The following HNF1B variants were observed in gnomAD, a reference collection of about 807,000 sequenced individuals.
The protein encoded by HNF1B is hepatocyte nuclear factor 1-beta.
Under a neutral mutation model 61.7 loss-of-function variants are expected in HNF1B, and 8 were observed. The observed-to-expected ratio is 0.13, with a 90% confidence interval of 0.08 to 0.23. The LOEUF (loss-of-function observed/expected upper bound fraction) is 0.23, where lower values mean the gene tolerates loss of function less well. Among genes scored for constraint, HNF1B ranks in the 10% least tolerant of loss-of-function variants. The pLI, the probability that HNF1B is intolerant of heterozygous loss-of-function variation, is 1.00. For missense variants in HNF1B, 562 were observed against 714.5 expected (o/e 0.79, Z 2.43); for synonymous variants, 314 against 287.7 (o/e 1.09, Z -0.93).
intron 2 of HNF1B, among the ~76,000 whole-genome samples, chr17:37,734,572 C>G (rs1196259276): frequency 6.6e-6 from 1 of 152,234 alleles, no homozygotes; most frequent in East Asian, 1.9e-4. Context: ...AGAGGTGATG[C>G]CTTAGCCCAC....
At chr17:37,698,880 G>T (rs758189099) in intron 8 of HNF1B, among the ~76,000 whole-genome samples, 196 bp downstream of exon 8, 3 of 150,680 alleles carry the variant, frequency 2.0e-5, no homozygotes, top group African/African-American at 7.4e-5. Context: ...GGGGAATCTG[G>T]GGGAGCAATA....
chr17:37,713,991 G>A (rs2033022454), intron 4 of HNF1B, among the ~76,000 whole-genome samples: 1 of 152,218 alleles, frequency 6.6e-6, no homozygotes, highest in Non-Finnish European at 1.5e-5. Flanking sequence ...CTTGAAGTGA[G>A]AACAAAAATA....
chr17:37,739,467 C>G lies in HNF1B; in HGVS notation c.517G>C (p.Val173Leu), dbSNP rs925595786. 8 of 1,614,166 alleles carry G rather than the reference C, an allele frequency of 5.0e-6. No homozygotes were observed. The highest frequency in any genetic ancestry group is 6.8e-6 in the Non-Finnish European group (8 of 1,180,038). ...QKRAALYTWY[V>L]RKQREILRQF... ...CGGAGGATCTCTCGTTGCTTTCTGA[C>G]GTACCAGGTGTACAGAGCGGCACGC... The change falls in exon 2 of 9, where the codon GTC becomes CTC. Residue 173 changes from valine to leucine, a missense_variant. Physicochemically the swap from Val to Leu is conservative, Grantham distance 32. Coordinates refer to ENST00000617811, the MANE Select transcript of HNF1B (RefSeq NM_000458.4).
intron 8 of HNF1B, among the ~76,000 whole-genome samples, chr17:37,695,216 G>C (rs1004850595): frequency 4.6e-5 from 7 of 152,220 alleles, no homozygotes; most frequent in Non-Finnish European, 7.3e-5. Context: ...CTTCAGCCCT[G>C]GCTCAAAGAG....
At chr17:37,709,242 T>C (rs1001689777) in intron 5 of HNF1B, among the ~76,000 whole-genome samples, 51 of 152,222 alleles carry the variant, frequency 3.4e-4, no homozygotes, top group Admixed American at 3.3e-3. Flanking sequence ...TTTATTTATT[T>C]TATTGTTATT....
intron 8 of HNF1B, among the ~76,000 whole-genome samples, chr17:37,695,512 A>G (rs375923621): frequency 1.8e-4 from 28 of 152,202 alleles, no homozygotes; most frequent in South Asian, 8.3e-4. Flanking sequence ...GATACTGCCT[A>G]ATGGAGCTGT....
Position 37,731,692 on chromosome 17 carries a change from G to A in HNF1B, c.948C>T (p.Asp316=), listed in dbSNP as rs373132003. 66 of 1,614,038 alleles carry A rather than the reference G, an allele frequency of 4.1e-5. No homozygotes were observed. Among genetic ancestry groups the A allele is most frequent in the South Asian group, 1.3e-4 (12 of 91,078 alleles). The change falls in exon 4 of 9, where the codon GAC becomes GAT. Residue 316 remains aspartate, a synonymous_variant. Coordinates refer to ENST00000617811, the MANE Select transcript of HNF1B (RefSeq NM_000458.4). ...EEAFRQKLAM[D]AYSSNQTHSL... The stretch of plus-strand genomic sequence containing the variant: ...TGTGAGTCTGGTTGGAGCTATAGGC[G>A]TCCATGGCCAGCTTTTGCCGGAATG...
Position 37,739,491 on chromosome 17 carries a change from G to A in HNF1B, c.493C>T (p.Arg165Cys). 6.2e-7 allele frequency: 1 copy of A among 1,614,146 alleles called. No individual in the cohort carries two copies. Among genetic ancestry groups the A allele is most frequent in the Non-Finnish European group, 8.5e-7 (1 of 1,180,032 alleles). Residue 165 changes from arginine to cysteine, a missense_variant, in exon 2 of 9, where the codon CGT becomes TGT. By Grantham distance (180) the Arg-to-Cys change is radical (BLOSUM62 -3). Around this residue, in one of 6 missense-constraint regions of HNF1B, gnomAD observed 69 missense variants for 81.2 expected, o/e 0.85. Transcript: ENST00000617811. ...NKGTPMKTQK[R>C]AALYTWYVRK... is the part of the protein sequence containing the mutation. ...ACGTACCAGGTGTACAGAGCGGCAC[G>A]CTTCTGGGTCTTCATAGGGGTGCCC...
At chr17:37,707,392 C>T (rs964923154) in intron 5 of HNF1B, among the ~76,000 whole-genome samples, 1 of 152,192 alleles carries the variant, frequency 6.6e-6, no homozygotes. Context: ...TGGAATTACA[C>T]GTGTGAGCCA....
intron 3 of HNF1B, 139 bp from the exon 4 acceptor site, chr17:37,731,969 A>C: frequency 1.6e-6 from 1 of 632,872 alleles, no homozygotes; most frequent in South Asian, 1.9e-5. Flanking sequence ...TGGGGAGGAG[A>C]GGCCTATGCA....
intron 2 of HNF1B, among the ~76,000 whole-genome samples, chr17:37,739,216 T>A (rs927570295): frequency 6.6e-6 from 1 of 152,130 alleles, no homozygotes; most frequent in Non-Finnish European, 1.5e-5. Context: ...ACTGACAGGC[T>A]CCTCAGAGCA....
Position 37,744,331 on chromosome 17 carries a change from C to T in HNF1B, c.344+210G>A, listed in dbSNP as rs548077471. Among the ~76,000 whole-genome samples the T allele has an allele frequency of 2.6e-5, 4 of 152,378 alleles. No individual in the cohort carries two copies. In the South Asian group the frequency reaches 6.2e-4, roughly 24 times the overall value. On this transcript the variant is annotated intron_variant, in intron 1 of 8. Transcript: ENST00000617811. ...CTTGGGTCTCGGACGCTGGCCTGGG[C>T]CTGGGGAGAAGAAGCCCGGTGGGCC...
chr17:37,744,474 T>C, intron 1 of HNF1B, 67 bp downstream of exon 1: 5 of 1,521,824 alleles, frequency 3.3e-6, no homozygotes, highest in Non-Finnish European at 4.5e-6. Context: ...GGGCGCAGTG[T>C]CACTCAGGCC....
chr17:37,741,751 GC>G (rs2033998122), intron 1 of HNF1B, among the ~76,000 whole-genome samples: 1 of 152,108 alleles, frequency 6.6e-6, no homozygotes, highest in African/African-American at 2.4e-5. Context: ...CATTTTGTAT[GC>G]CTAAGAAACC....
intron 4 of HNF1B, among the ~76,000 whole-genome samples, chr17:37,711,063 A>C (rs1051528875): frequency 1.3e-5 from 2 of 152,176 alleles, no homozygotes. Context: ...AGTATTTTTT[A>C]TTCTTTAAAA....
intron 5 of HNF1B, 98 bp downstream of exon 5, chr17:37,710,405 C>A: frequency 6.7e-7 from 1 of 1,485,330 alleles, no homozygotes; most frequent in East Asian, 2.3e-5. Flanking sequence ...TATGGGGCTA[C>A]AATGGTTCAT....
chr17:37,693,042 T>C lies in HNF1B; in HGVS notation c.1654-5650A>G, dbSNP rs553279399. 5.3e-5 allele frequency among the ~76,000 whole-genome samples: 8 copies of C among 151,884 alleles called. No homozygotes were observed. In the East Asian group the frequency reaches 7.7e-4, roughly 15 times the overall value. ...CGTCTCTACTAAAAATACAAAAAAT[T>C]AGCCAGGTGTGGTGGCCTGTGCCTG... On this transcript the variant is annotated intron_variant, in intron 8 of 8. Coordinates refer to ENST00000617811, the MANE Select transcript of HNF1B (RefSeq NM_000458.4).
intron 4 of HNF1B, chr17:37,731,292 AGT>A (rs933581447): frequency 3.1e-5 from 17 of 540,126 alleles, no homozygotes; most frequent in Non-Finnish European, 5.7e-5. Flanking sequence ...CAGCCTCCTC[AGT>A]GTAGAATGAC....
intron 4 of HNF1B, among the ~76,000 whole-genome samples, chr17:37,723,463 C>T (rs1454981279): frequency 1.3e-5 from 2 of 152,170 alleles, no homozygotes; most frequent in Non-Finnish European, 2.9e-5. Flanking sequence ...TGGTCATGAC[C>T]CTCCCCTCTG....
Sources: allele counts gnomAD v4.1 joint callset (sites outside exome capture counted in the v4.1 genomes callset), GRCh38; gene constraint gnomAD v4.1.1; regional missense constraint gnomAD v4.1.1; transcripts MANE v1.5; gene names NCBI Gene and HGNC (gene_info 2026-07-23, HGNC 2026-07-21).